Variants in MTUS2 observed in about 807,000 individuals in gnomAD.
The protein encoded by MTUS2 is microtubule-associated tumor suppressor candidate 2.
Under a neutral mutation model 114.1 loss-of-function variants are expected in MTUS2, and 40 were observed. That is an observed-to-expected ratio of 0.35 (90% confidence interval 0.27 to 0.46). The LOEUF (loss-of-function observed/expected upper bound fraction) is 0.46, where lower values mean the gene tolerates loss of function less well. Ranked by LOEUF, MTUS2 falls within the 20% of genes least tolerant of loss-of-function variation. MTUS2 has a pLI of 1.00. For synonymous variants in MTUS2, 688 were observed against 672.0 expected (o/e 1.02, Z -0.37); for missense variants, 1,679 against 1,705.4 (o/e 0.98, Z 0.27).
At chr13:29,341,271 G>A (rs1901381289) in intron 7 of MTUS2, among the ~76,000 whole-genome samples, 1 of 152,022 alleles carries the variant, frequency 6.6e-6, no homozygotes, top group African/African-American at 2.4e-5. Context: ...CCCACCAGCA[G>A]TATACAAGTG....
intron 5 of MTUS2, among the ~76,000 whole-genome samples, chr13:29,154,671 A>G (rs901019871): frequency 1.3e-5 from 2 of 152,234 alleles, no homozygotes; most frequent in African/African-American, 4.8e-5. Context: ...ATTACCTGTC[A>G]TCATACAATG....
intron 2 of MTUS2, among the ~76,000 whole-genome samples, chr13:28,846,337 C>G (rs972112563): frequency 8.5e-5 from 13 of 152,096 alleles, no homozygotes; most frequent in African/African-American, 3.1e-4. Flanking sequence ...TCTGTAATAA[C>G]TAAAGAACAC....
chr13:29,494,750 G>A (rs755158871), intron 12 of MTUS2, among the ~76,000 whole-genome samples: 2 of 152,060 alleles, frequency 1.3e-5, no homozygotes, highest in Non-Finnish European at 2.9e-5. Flanking sequence ...AAAATAAAAT[G>A]GAAGTAGGCT....
chr13:29,143,788 A>T (rs1892321976), intron 5 of MTUS2, among the ~76,000 whole-genome samples: 1 of 152,224 alleles, frequency 6.6e-6, no homozygotes, highest in South Asian at 2.1e-4. Flanking sequence ...GAAGGAGTTA[A>T]TCAAATGGTA....
chr13:29,317,058 C>T (rs1490118283), intron 6 of MTUS2, among the ~76,000 whole-genome samples: 1 of 152,174 alleles, frequency 6.6e-6, no homozygotes, highest in Middle Eastern at 3.2e-3. Context: ...CTGTCCTTAT[C>T]TTTTCATAAT....
intron 2 of MTUS2, among the ~76,000 whole-genome samples, chr13:28,971,146 A>C (rs1883838284): frequency 6.6e-6 from 1 of 152,246 alleles, no homozygotes; most frequent in Non-Finnish European, 1.5e-5. Flanking sequence ...TTTTTCAAAT[A>C]CTATGGGAAA....
intron 2 of MTUS2, among the ~76,000 whole-genome samples, chr13:28,928,432 CTG>C: frequency 6.6e-6 from 1 of 152,180 alleles, no homozygotes; most frequent in Non-Finnish European, 1.5e-5. Flanking sequence ...CAATTAAAAA[CTG>C]GGCAAAAAAT....
At chr13:28,844,200 G>A (rs1360570776) in intron 2 of MTUS2, among the ~76,000 whole-genome samples, 2 of 152,170 alleles carry the variant, frequency 1.3e-5, no homozygotes, top group African/African-American at 4.8e-5. Context: ...CAGAAGCTGG[G>A]GAGTTTGCAT....
chr13:29,313,939 C>T (rs1217381315), intron 6 of MTUS2, among the ~76,000 whole-genome samples: 4 of 152,018 alleles, frequency 2.6e-5, no homozygotes, highest in Non-Finnish European at 5.9e-5. Context: ...CCATGTGCCA[C>T]GTTAAAATTC....
At chr13:29,139,306 G>A (rs1276352885) in intron 5 of MTUS2, among the ~76,000 whole-genome samples, 1 of 152,168 alleles carries the variant, frequency 6.6e-6, no homozygotes, top group Non-Finnish European at 1.5e-5. Flanking sequence ...ATAATGCTCA[G>A]AAAGCTCTTC....
intron 5 of MTUS2, among the ~76,000 whole-genome samples, chr13:29,244,419 A>G (rs1445276053): frequency 6.6e-6 from 1 of 152,112 alleles, no homozygotes; most frequent in Non-Finnish European, 1.5e-5. Context: ...GTTTTCAACC[A>G]TGGATCCCGG....
intron 14 of MTUS2, among the ~76,000 whole-genome samples, chr13:29,500,067 C>T (rs1183420404): frequency 6.6e-6 from 1 of 152,072 alleles, no homozygotes; most frequent in East Asian, 1.9e-4. Context: ...CATCTTCCCC[C>T]TCCTGGCTTG....
chr13:29,471,833 C>T (rs950412949), intron 9 of MTUS2, among the ~76,000 whole-genome samples: 1 of 150,914 alleles, frequency 6.6e-6, no homozygotes, highest in Admixed American at 6.6e-5. Flanking sequence ...CTTACGGGAC[C>T]CCTAGTAGGC....
At chr13:29,439,936 CTAGCA>C (rs772459778) in intron 8 of MTUS2, 42 bp from the exon 9 acceptor site, 9 of 1,408,166 alleles carry the variant, frequency 6.4e-6, no homozygotes, top group Non-Finnish European at 8.9e-6. Context: ...AAGTGCTTAT[CTAGCA>C]TAAAACTAGG....
At chr13:28,839,995 AAG>A (rs1360029534) in intron 2 of MTUS2, 145 bp downstream of exon 2, 2 of 151,258 alleles carry the variant, frequency 1.3e-5, no homozygotes, top group African/African-American at 2.4e-5. Flanking sequence ...TTATTAATGA[AAG>A]AAGTCAATGA....
intron 8 of MTUS2, among the ~76,000 whole-genome samples, chr13:29,399,912 A>G (rs1874195679): frequency 6.6e-6 from 1 of 152,240 alleles, no homozygotes; most frequent in African/African-American, 2.4e-5. Flanking sequence ...GAATAAAGAG[A>G]CATTCATACC....
At chr13:29,353,057 A>G (rs1400544542) in intron 7 of MTUS2, among the ~76,000 whole-genome samples, 1 of 152,160 alleles carries the variant, frequency 6.6e-6, no homozygotes, top group Non-Finnish European at 1.5e-5. Flanking sequence ...GTCAGTTTCA[A>G]TTGATTGCAT....
rs546169992 is a variant in MTUS2, at chr13:28,971,794, C to T, written c.-242-52663C>T. Among the ~76,000 whole-genome samples the T allele has an allele frequency of 2.6e-5, 4 of 152,322 alleles. No homozygotes were observed. The South Asian group carries it at 8.3e-4, about 32-fold the overall frequency. On this transcript the variant is annotated intron_variant, in intron 2 of 15. Coordinates refer to ENST00000612955, the MANE Select transcript of MTUS2 (RefSeq NM_001033602.4). ...ACTGAGTTTCAAAATGGTGACAGCA[C>T]TTACCCAAGGTCAGAAAGCTTCCAT...
At chr13:29,437,178 T>G (rs1010704273) in intron 8 of MTUS2, among the ~76,000 whole-genome samples, 2 of 152,142 alleles carry the variant, frequency 1.3e-5, no homozygotes, top group African/African-American at 4.8e-5. Context: ...AGTTAGAAAT[T>G]AGAGTTGATT....
Sources: allele counts gnomAD v4.1 joint callset (sites outside exome capture counted in the v4.1 genomes callset), GRCh38; gene constraint gnomAD v4.1.1; transcripts MANE v1.5; gene names NCBI Gene and HGNC (gene_info 2026-07-23, HGNC 2026-07-21).